Variants in WWOX observed in about 807,000 individuals in gnomAD.
WWOX encodes WW domain containing oxidoreductase.
Under a neutral mutation model 46.2 loss-of-function variants are expected in WWOX, and 69 were observed. The ratio of observed to expected loss-of-function variants is 1.49; its 90% CI spans 1.23 to 1.82. WWOX has a LOEUF of 1.82. Ranked by LOEUF, WWOX falls within the 40% of genes most tolerant of loss-of-function variation. The pLI is 0.00. For missense variants in WWOX, 919 were observed against 542.6 expected, an observed-to-expected ratio of 1.69 and a Z score of -6.89; for synonymous variants, 359 against 202.6, an observed-to-expected ratio of 1.77 and a Z score of -6.56.
intron 8 of WWOX, among the ~76,000 whole-genome samples, chr16:78,602,177 C>G (rs1344292131): frequency 6.6e-6 from 1 of 152,160 alleles, no homozygotes; most frequent in Non-Finnish European, 1.5e-5. Context: ...TGAGAGTTAC[C>G]TCTTACTTCA....
intron 5 of WWOX, among the ~76,000 whole-genome samples, chr16:78,247,158 G>C (rs1024878575): frequency 4.0e-5 from 6 of 151,822 alleles, no homozygotes; most frequent in African/African-American, 1.5e-4. Flanking sequence ...AATATTTGTT[G>C]AGTGCAGTGT....
intron 8 of WWOX, among the ~76,000 whole-genome samples, chr16:78,671,020 A>C (rs2047450329): frequency 6.6e-6 from 1 of 152,124 alleles, no homozygotes; most frequent in South Asian, 2.1e-4. Context: ...TGGCTACACC[A>C]GAAGCTGGAA....
At chr16:78,617,730 G>T (rs1204652841) in intron 8 of WWOX, among the ~76,000 whole-genome samples, 1 of 152,126 alleles carries the variant, frequency 6.6e-6, no homozygotes, top group Non-Finnish European at 1.5e-5. Context: ...TTTGTGCATG[G>T]CTGTCTTTTC....
intron 8 of WWOX, among the ~76,000 whole-genome samples, chr16:79,028,609 C>A (rs186443256): frequency 6.6e-6 from 1 of 151,202 alleles, no homozygotes; most frequent in Non-Finnish European, 1.5e-5. Context: ...TTTTCTGATA[C>A]TTTTTTCCTG....
intron 8 of WWOX, among the ~76,000 whole-genome samples, chr16:79,164,492 G>T (rs1347286008): frequency 2.0e-5 from 3 of 152,048 alleles, no homozygotes; most frequent in Non-Finnish European, 4.4e-5. Flanking sequence ...AGGGATGGGG[G>T]GATGGGGGGA....
chr16:78,161,971 C>T (rs1382455675), intron 4 of WWOX, among the ~76,000 whole-genome samples: 1 of 152,130 alleles, frequency 6.6e-6, no homozygotes, highest in East Asian at 1.9e-4. Flanking sequence ...TTTTAAAACT[C>T]ACAGATTTCA....
At chr16:78,400,756 C>A (rs540289361) in intron 6 of WWOX, among the ~76,000 whole-genome samples, 2 of 152,298 alleles carry the variant, frequency 1.3e-5, no homozygotes, top group South Asian at 4.2e-4. Flanking sequence ...TCCAAGAGAT[C>A]ATTAAATTTG....
intron 8 of WWOX, among the ~76,000 whole-genome samples, chr16:78,862,967 T>C (rs1180939959): frequency 6.6e-6 from 1 of 150,896 alleles, no homozygotes; most frequent in Non-Finnish European, 1.5e-5. Context: ...AAGTTTTTTT[T>C]TTTTTTTTTT....
chr16:78,538,106 G>A (rs1488123936), intron 8 of WWOX, among the ~76,000 whole-genome samples: 3 of 149,446 alleles, frequency 2.0e-5, no homozygotes, highest in African/African-American at 7.4e-5. Context: ...TTATTTGGAA[G>A]AACAAATTTA....
chr16:78,102,335 C>T (rs2031852977), intron 1 of WWOX, among the ~76,000 whole-genome samples: 1 of 152,130 alleles, frequency 6.6e-6, no homozygotes, highest in Non-Finnish European at 1.5e-5. Context: ...TGTGAGGGTC[C>T]AGGAATGTGA....
At chr16:78,519,752 C>A (rs927906286) in intron 8 of WWOX, among the ~76,000 whole-genome samples, 1 of 152,010 alleles carries the variant, frequency 6.6e-6, no homozygotes, top group Admixed American at 6.6e-5. Flanking sequence ...TGTGAGGAGC[C>A]CACAAGCAGG....
At chr16:78,797,826 A>G (rs1025511903) in intron 8 of WWOX, among the ~76,000 whole-genome samples, 1 of 152,142 alleles carries the variant, frequency 6.6e-6, no homozygotes, top group Admixed American at 6.5e-5. Context: ...TGTCTCTACA[A>G]AAAATACAAA....
At chr16:79,183,741 A>G (rs1286423155) in intron 8 of WWOX, among the ~76,000 whole-genome samples, 1 of 152,210 alleles carries the variant, frequency 6.6e-6, no homozygotes, top group East Asian at 1.9e-4. Flanking sequence ...CACCCACTCT[A>G]CAGATGAGAA....
At chr16:79,077,643 T>G (rs200468579) in intron 8 of WWOX, 1 of 38,866 alleles carries the variant, frequency 2.6e-5, no homozygotes, top group Non-Finnish European at 7.1e-5. Flanking sequence ...TGGTCCCCCC[T>G]TTTTTTTTTT....
intron 8 of WWOX, among the ~76,000 whole-genome samples, chr16:78,594,429 G>GCCTCC (rs1171391505): frequency 6.2e-5 from 2 of 32,392 alleles, no homozygotes; most frequent in South Asian, 1.3e-3. Flanking sequence ...CTGAGGAAAG[G>GCCTCC]CCCCCCCCCC....
intron 8 of WWOX, among the ~76,000 whole-genome samples, chr16:78,688,161 GA>G (rs200093677): frequency 1.2e-3 from 182 of 147,126 alleles, no homozygotes; most frequent in Middle Eastern, 7.0e-3. Flanking sequence ...ATATAAGCTA[GA>G]AAAAAAAAAT....
chr16:78,410,098 T>C (rs1035665095), intron 6 of WWOX, among the ~76,000 whole-genome samples: 26 of 152,182 alleles, frequency 1.7e-4, no homozygotes, highest in African/African-American at 5.8e-4. Context: ...TCACATGATA[T>C]CTGGCACCTT....
intron 8 of WWOX, among the ~76,000 whole-genome samples, chr16:78,517,458 G>A (rs1312390477): frequency 2.0e-5 from 3 of 152,220 alleles, no homozygotes; most frequent in South Asian, 2.1e-4. Flanking sequence ...CTTGTTCGAC[G>A]CTTCGCATAT....
intron 8 of WWOX, among the ~76,000 whole-genome samples, chr16:78,746,777 A>G (rs2049357347): frequency 1.3e-5 from 2 of 152,086 alleles, no homozygotes; most frequent in Admixed American, 6.6e-5. Flanking sequence ...AGCCATTTTC[A>G]GCAAACCCAG....
Sources: gnomAD v4.1 joint callset for allele counts (sites outside exome capture counted in the v4.1 genomes callset) on GRCh38, gnomAD v4.1.1 for gene constraint, MANE v1.5 for transcripts, NCBI Gene and HGNC (gene_info 2026-07-23, HGNC 2026-07-21) for gene names.